AP2S1: variants seen among roughly 807,000 people sequenced by gnomAD.
AP2S1 encodes the protein adaptor related protein complex 2 subunit sigma 1.
Under a neutral mutation model 21.0 loss-of-function variants are expected in AP2S1, and 6 were observed. The ratio of observed to expected loss-of-function variants is 0.29; its 90% CI spans 0.16 to 0.56. AP2S1 has a LOEUF of 0.56. Among genes scored for constraint, AP2S1 ranks in the 20% least tolerant of loss-of-function variants. The probability of loss-of-function intolerance (pLI) is 0.92; values close to 1 mark genes in which losing one functional copy is unlikely to be tolerated. For synonymous variants in AP2S1, 63 were observed against 74.6 expected, an observed-to-expected ratio of 0.84 and a Z score of 0.80; for missense variants, 60 against 186.2, an observed-to-expected ratio of 0.32 and a Z score of 3.95.
In AP2S1 at chr19:46,838,226, G is replaced by A. The variant is rs569754372; in HGVS notation, c.*221C>T. The stretch of plus-strand genomic sequence containing the variant: ...CGCACAGACGCTTATGGCATCACAC[G>A]ACAACGGCACGGTTACTCGGGACAC... On this transcript the variant is annotated 3_prime_UTR_variant, in exon 5 of 5. Coordinates refer to ENST00000263270, the MANE Select transcript of AP2S1 (RefSeq NM_004069.6). The surrounding 1 kb of genome is among the most constrained non-coding windows in gnomAD (Gnocchi z 4.1). 5.2e-6 allele frequency: 3 copies of A among 582,174 alleles called. No homozygotes were observed. The highest frequency in any genetic ancestry group is 1.9e-5 in the African/African-American group (1 of 53,420). The allele number at this position is 582,174 out of a possible 1,614,324, so 36.1% of individuals were successfully genotyped here. A position where few individuals can be genotyped will look rare whatever the true frequency, so the allele number is the denominator to read the frequency against.
At chr19:46,842,205 G>A (rs1036052464) in intron 2 of AP2S1, among the ~76,000 whole-genome samples, 2 of 151,880 alleles carry the variant, frequency 1.3e-5, no homozygotes, top group East Asian at 1.9e-4. Flanking sequence ...ATAACAAGAG[G>A]GATAGCCCGC....
At chr19:46,843,278 G>A (rs549642956) in intron 2 of AP2S1, among the ~76,000 whole-genome samples, 1 of 152,200 alleles carries the variant, frequency 6.6e-6, no homozygotes, top group East Asian at 1.9e-4. Flanking sequence ...CTCCCACCTG[G>A]ACCACTGCAG....
At chr19:46,840,014 A>G (rs1212617867) in intron 2 of AP2S1, among the ~76,000 whole-genome samples, 1 of 152,192 alleles carries the variant, frequency 6.6e-6, no homozygotes, top group African/African-American at 2.4e-5. Context: ...AGACAGTCAC[A>G]TCCCTTAGCC....
At chr19:46,844,002 C>T (rs2055574095) in intron 2 of AP2S1, among the ~76,000 whole-genome samples, 1 of 152,102 alleles carries the variant, frequency 6.6e-6, no homozygotes, top group Non-Finnish European at 1.5e-5. Context: ...CCTCTGCCTC[C>T]TGGATTCAAG....
At chr19:46,840,863 G>A (rs377231010) in intron 2 of AP2S1, among the ~76,000 whole-genome samples, 13 of 151,390 alleles carry the variant, frequency 8.6e-5, no homozygotes, top group Admixed American at 3.3e-4. Context: ...GATTACAGGC[G>A]CGCCACCACA....
At chr19:46,839,721 A>T in intron 2 of AP2S1, 143 bp from the exon 3 acceptor site, 2 of 1,379,632 alleles carry the variant, frequency 1.4e-6, no homozygotes, top group Non-Finnish European at 2.0e-6. Flanking sequence ...GGGTCACAGC[A>T]GTGACCGAGA....
intron 1 of AP2S1, among the ~76,000 whole-genome samples, chr19:46,846,528 G>A (rs1179740247): frequency 2.8e-5 from 4 of 144,142 alleles, no homozygotes; most frequent in South Asian, 2.2e-4. Flanking sequence ...CTCCCACCTC[G>A]GCCTCCCAAA....
rs545151686 is a variant in AP2S1, at chr19:46,848,336, C to G, written c.4-2194G>C. ...CAGAGGTTGCAGTGAGCTGACATTG[C>G]ACCATTGCTCTCCAGCCTGGGTGAC... On this transcript the variant is annotated intron_variant, in intron 1 of 4. Transcript: ENST00000263270. 1.7e-3 allele frequency among the ~76,000 whole-genome samples: 256 copies of G among 152,204 alleles called. 1 individual carries two copies. The highest frequency in any genetic ancestry group is 6.1e-3 in the African/African-American group (254 of 41,544).
intron 2 of AP2S1, 30 bp from the exon 3 acceptor site, chr19:46,839,608 A>G (rs771449724): frequency 1.2e-6 from 2 of 1,614,094 alleles, no homozygotes; most frequent in Non-Finnish European, 1.7e-6. Flanking sequence ...TCAGCAACGG[A>G]GATTGCCAGG....
chr19:46,846,209 C>T lies in AP2S1; in HGVS notation c.4-67G>A, dbSNP rs1051445246. 9.5e-6 allele frequency: 15 copies of T among 1,580,698 alleles called. No homozygotes were observed. The East Asian group carries it at 1.1e-4, about 12-fold the overall frequency. ...AGAGGGCGGGTTGGGTGCTGCCCAACGGCCCCACCCATCCACCCAGAGGGG... is the reference window on the plus strand; with the variant it reads ...AGAGGGCGGGTTGGGTGCTGCCCAATGGCCCCACCCATCCACCCAGAGGGG... On this transcript the variant is annotated intron_variant, in intron 1 of 4. Transcript: ENST00000263270.
In AP2S1 at chr19:46,840,805, C is replaced by T. The variant is rs764799820; in HGVS notation, c.154-1227G>A. Among the ~76,000 whole-genome samples, 89 of 147,950 alleles carry T rather than the reference C, an allele frequency of 6.0e-4. 1 individual carries two copies. Among genetic ancestry groups the T allele is most frequent in the Non-Finnish European group, 5.9e-4 (40 of 67,694 alleles). The stretch of plus-strand genomic sequence containing the variant: ...CGATCTCGGCTCACTGCAATCTCTG[C>T]CTCTTGGGTTCAAGCGATTCTCCTG... On this transcript the variant is annotated intron_variant, in intron 2 of 4. Transcript: ENST00000263270.
chr19:46,839,902 C>T (rs1320100656), intron 2 of AP2S1, among the ~76,000 whole-genome samples: 2 of 152,156 alleles, frequency 1.3e-5, no homozygotes, highest in Non-Finnish European at 2.9e-5. Context: ...CAGGAATGTT[C>T]TAAGCAGATA....
chr19:46,850,500 A>G (rs2122818633), intron 1 of AP2S1, among the ~76,000 whole-genome samples: 2 of 152,126 alleles, frequency 1.3e-5, no homozygotes, highest in South Asian at 4.1e-4. Flanking sequence ...CCAACCATCT[A>G]CAACGTTTCC....
chr19:46,839,240 T>C (rs1173936401), intron 3 of AP2S1, among the ~76,000 whole-genome samples: 3 of 132,684 alleles, frequency 2.3e-5, no homozygotes, highest in African/African-American at 5.8e-5. Context: ...TGAGCCAAGA[T>C]TGCACCACTG....
intron 2 of AP2S1, among the ~76,000 whole-genome samples, chr19:46,840,720 A>ATTT (rs781138883): frequency 0.016 from 1,756 of 110,672 alleles, 62 homozygotes; most frequent in East Asian, 0.02. Flanking sequence ...AGTCTTCGGC[A>ATTT]TTTTTTTTTT....
chr19:46,838,396 C>G lies in AP2S1; in HGVS notation c.*51G>C, dbSNP rs766483828. ...TGGCCACGGGCCTGGGAAGGGGAAG[C>G]GAGCAGGCGAGTCCAGGAGGGGCCG... On this transcript the variant is annotated 3_prime_UTR_variant, in exon 5 of 5. Transcript: ENST00000263270. The surrounding 1 kb of genome is among the most constrained non-coding windows in gnomAD (Gnocchi z 4.1). 3 of 1,575,012 alleles carry G rather than the reference C, an allele frequency of 1.9e-6. No homozygotes were observed. The highest frequency in any genetic ancestry group is 2.6e-6 in the Non-Finnish European group (3 of 1,146,438).
chr19:46,845,257 T>C (rs957614655), intron 2 of AP2S1, among the ~76,000 whole-genome samples: 1 of 150,044 alleles, frequency 6.7e-6, no homozygotes, highest in African/African-American at 2.5e-5. Context: ...AAATACAAAA[T>C]TAGCCTGGTG....
intron 1 of AP2S1, among the ~76,000 whole-genome samples, chr19:46,847,956 C>T (rs1192964634): frequency 2.6e-5 from 4 of 152,146 alleles, no homozygotes; most frequent in African/African-American, 9.7e-5. Context: ...ATTGCTGGCT[C>T]ATAGGGTAAC....
At position 46,850,777 on chromosome 19, in the gene AP2S1, G is replaced by C. The variant is rs904652627; in HGVS notation, c.-11C>G. On this transcript the variant is annotated 5_prime_UTR_variant, in exon 1 of 5. Coordinates refer to ENST00000263270, the MANE Select transcript of AP2S1 (RefSeq NM_004069.6). ...CTCCCCCGTTACCATGGCGACCCCCGTCCAGACCCCAGCGGCCCCGGTCCC... is the reference window on the plus strand; with the variant it reads ...CTCCCCCGTTACCATGGCGACCCCCCTCCAGACCCCAGCGGCCCCGGTCCC... The C allele has an allele frequency of 6.3e-7, 1 of 1,579,826 alleles. No individual in the cohort carries two copies. The highest frequency in any genetic ancestry group is 8.6e-7 in the Non-Finnish European group (1 of 1,161,692).
Sources: gnomAD v4.1 joint callset for allele counts (sites outside exome capture counted in the v4.1 genomes callset) on GRCh38, gnomAD v4.1.1 for gene constraint, Gnocchi (gnomAD v3.1) non-coding constraint, MANE v1.5 for transcripts, NCBI Gene and HGNC (gene_info 2026-07-23, HGNC 2026-07-21) for gene names.